OLFM3: variants seen among roughly 807,000 people sequenced by gnomAD.
The protein encoded by OLFM3 is olfactomedin 3.
OLFM3 carries 20 observed loss-of-function variants against 48.6 expected under a neutral mutation model. That is an observed-to-expected ratio of 0.41 (90% confidence interval 0.29 to 0.60). OLFM3 has a LOEUF of 0.60. OLFM3 is among the 20% of genes least tolerant of loss of function. The pLI is 0.28. For missense variants in OLFM3, 437 were observed against 544.3 expected (o/e 0.80, Z 1.96); for synonymous variants, 222 against 198.1 (o/e 1.12, Z -1.01).
chr1:101,941,589 G>GT (rs1282961309), intron 1 of OLFM3, among the ~76,000 whole-genome samples: 2 of 152,042 alleles, frequency 1.3e-5, no homozygotes, highest in Admixed American at 6.6e-5. Flanking sequence ...TAAAGATGAG[G>GT]TAATAAAAGG....
chr1:101,978,402 A>C (rs1443754741), intron 1 of OLFM3, among the ~76,000 whole-genome samples: 1 of 152,138 alleles, frequency 6.6e-6, no homozygotes, highest in Non-Finnish European at 1.5e-5. Context: ...TGAAAAAATA[A>C]TTTTAAATTG....
At chr1:101,847,512 A>G (rs1656053955) in intron 1 of OLFM3, among the ~76,000 whole-genome samples, 1 of 145,582 alleles carries the variant, frequency 6.9e-6, no homozygotes. Flanking sequence ...AGATGATCAT[A>G]TTGAGAGTAG....
chr1:101,986,658 GTTTC>G (rs1473817317), intron 1 of OLFM3, among the ~76,000 whole-genome samples: 3 of 152,096 alleles, frequency 2.0e-5, no homozygotes, highest in Non-Finnish European at 4.4e-5. Flanking sequence ...AGTCAAGCTT[GTTTC>G]TTCTTTCTCT....
chr1:101,869,485 G>A (rs1055595770), intron 1 of OLFM3, among the ~76,000 whole-genome samples: 1 of 152,156 alleles, frequency 6.6e-6, no homozygotes, highest in East Asian at 1.9e-4. Context: ...GCTCATGGGT[G>A]GAAAGGACTT....
chr1:101,826,235 A>G (rs371797247), intron 3 of OLFM3, among the ~76,000 whole-genome samples: 1 of 152,142 alleles, frequency 6.6e-6, no homozygotes, highest in African/African-American at 2.4e-5. Flanking sequence ...AAGCACGCCT[A>G]CAGTTTCACC....
rs548311934 is a variant in OLFM3 at position 101,817,338 on chromosome 1, A to G, written c.592+7688T>C. 1.6e-3 allele frequency among the ~76,000 whole-genome samples: 242 copies of G among 152,276 alleles called. 1 individual carries two copies. The highest frequency in any genetic ancestry group is 5.7e-3 in the African/African-American group (238 of 41,586). Reference sequence around the variant, plus strand: ...TCTTCTGTCTGCAGTAAGATATGAAAACATTAGCATTTATAAAATATTGTA... The same window carrying G: ...TCTTCTGTCTGCAGTAAGATATGAAGACATTAGCATTTATAAAATATTGTA... On this transcript the variant is annotated intron_variant, in intron 4 of 5. Transcript: ENST00000370103.
At chr1:101,888,954 A>G (rs1657882385) in intron 1 of OLFM3, among the ~76,000 whole-genome samples, 2 of 152,224 alleles carry the variant, frequency 1.3e-5, no homozygotes, top group African/African-American at 4.8e-5. Context: ...ACAATGAGAT[A>G]TCATCTCACA....
chr1:101,988,376 GCTA>G (rs907862661), intron 1 of OLFM3, among the ~76,000 whole-genome samples: 6 of 152,092 alleles, frequency 3.9e-5, no homozygotes, highest in African/African-American at 1.4e-4. Context: ...AACCTAGAGA[GCTA>G]CTACAAGTCA....
At chr1:101,921,746 T>C (rs12067166) in intron 1 of OLFM3, among the ~76,000 whole-genome samples, 53,395 of 152,040 alleles carry the variant, frequency 0.35, 9,477 homozygotes, top group African/African-American at 0.41. Context: ...ATGAGAAAAC[T>C]GAAATTCAGA....
chr1:101,953,412 G>T (rs562335884), intron 1 of OLFM3, among the ~76,000 whole-genome samples: 3 of 152,230 alleles, frequency 2.0e-5, no homozygotes, highest in African/African-American at 7.2e-5. Flanking sequence ...AGTCACAATA[G>T]ATACTGTATA....
At chr1:101,935,120 A>G (rs1023087753) in intron 1 of OLFM3, among the ~76,000 whole-genome samples, 3 of 152,070 alleles carry the variant, frequency 2.0e-5, no homozygotes, top group African/African-American at 7.2e-5. Flanking sequence ...AACCAAAATC[A>G]GAGCTGAACT....
At chr1:101,869,698 CAT>C (rs1557709369) in intron 1 of OLFM3, among the ~76,000 whole-genome samples, 1 of 152,060 alleles carries the variant, frequency 6.6e-6, no homozygotes, top group South Asian at 2.1e-4. Flanking sequence ...ATAATCTCCA[CAT>C]GTCATGGGAG....
At chr1:101,980,071 C>T (rs1661066032) in intron 1 of OLFM3, among the ~76,000 whole-genome samples, 1 of 152,066 alleles carries the variant, frequency 6.6e-6, no homozygotes. Flanking sequence ...GCCAATTTTT[C>T]CCATTTGGAA....
intron 1 of OLFM3, among the ~76,000 whole-genome samples, chr1:101,917,548 CTGAGA>C: frequency 6.6e-6 from 1 of 152,164 alleles, no homozygotes; most frequent in East Asian, 1.9e-4. Context: ...TCCTGAGTAG[CTGAGA>C]TAACAGGCAT....
chr1:101,844,043 A>G (rs1655864897), intron 1 of OLFM3, among the ~76,000 whole-genome samples: 1 of 152,196 alleles, frequency 6.6e-6, no homozygotes, highest in Non-Finnish European at 1.5e-5. Flanking sequence ...CTAGTGAGCC[A>G]GGGAGCTGTC....
At chr1:101,808,125 A>G (rs181011423) in intron 4 of OLFM3, among the ~76,000 whole-genome samples, 1 of 105,622 alleles carries the variant, frequency 9.5e-6, no homozygotes, top group East Asian at 3.2e-4. Flanking sequence ...TCCCCTAAAA[A>G]CGTCATAAAA....
At chr1:101,926,098 T>C (rs953112818) in intron 1 of OLFM3, among the ~76,000 whole-genome samples, 19 of 152,224 alleles carry the variant, frequency 1.2e-4, no homozygotes, top group African/African-American at 4.3e-4. Flanking sequence ...GAATATGCTA[T>C]GCTTTGTTCA....
chr1:101,896,670 A>ATTTTTTTT (rs3079210), intron 1 of OLFM3, among the ~76,000 whole-genome samples: 7 of 105,690 alleles, frequency 6.6e-5, no homozygotes, highest in South Asian at 3.3e-4. Flanking sequence ...GATTTTTTGT[A>ATTTTTTTT]TTTTTTTTTT....
chr1:101,830,305 C>A (rs1341766121), intron 3 of OLFM3, among the ~76,000 whole-genome samples: 1 of 152,136 alleles, frequency 6.6e-6, no homozygotes, highest in Non-Finnish European at 1.5e-5. Context: ...TCTCCACATG[C>A]TCATATTAAT....
Sources: gnomAD v4.1 joint callset for allele counts (sites outside exome capture counted in the v4.1 genomes callset) on GRCh38, gnomAD v4.1.1 for gene constraint, MANE v1.5 for transcripts, NCBI Gene and HGNC (gene_info 2026-07-23, HGNC 2026-07-21) for gene names.